Variants in PPP1R13L observed in about 807,000 individuals in gnomAD.
PPP1R13L encodes protein phosphatase 1 regulatory subunit 13 like.
A neutral mutation model predicts 80.9 loss-of-function variants in PPP1R13L; 50 were observed. The ratio of observed to expected loss-of-function variants is 0.62; its 90% confidence interval spans 0.49 to 0.78. The LOEUF (loss-of-function observed/expected upper bound fraction) is 0.78. PPP1R13L is among the 30% of genes least tolerant of loss of function. The pLI is 0.00. For missense variants in PPP1R13L, 1,200 were observed against 1,205.9 expected (o/e 1.00, Z 0.07); for synonymous variants, 602 against 534.3 (o/e 1.13, Z -1.75).
At chr19:45,387,218 T>C (rs1031926826) in intron 8 of PPP1R13L, among the ~76,000 whole-genome samples, 1 of 151,800 alleles carries the variant, frequency 6.6e-6, no homozygotes, top group Non-Finnish European at 1.5e-5. Context: ...CAGTGAGCCA[T>C]GATCATGCCA....
Position 45,396,936 on chromosome 19 carries a change from G to A in PPP1R13L, c.321C>T (p.His107=). The A allele has an allele frequency of 6.8e-7, 1 of 1,463,664 alleles. No individual in the cohort carries two copies. The highest frequency in any genetic ancestry group is 1.5e-5 in the African/African-American group (1 of 68,170). The allele number at this position is 1,463,664 out of a possible 1,614,324, so 90.7% of individuals were successfully genotyped here. A position where few individuals can be genotyped will look rare whatever the true frequency, so the allele number is the denominator to read the frequency against. The change falls in exon 4 of 13, where the codon CAC becomes CAT. Residue 107 remains histidine, a synonymous_variant. Transcript: ENST00000360957. The surrounding 1 kb of genome is among the most constrained non-coding windows in gnomAD (Gnocchi z 5.3). ...FGRSESAPTL[H]PYSPLSPKGR... ...CCTTGGGGGACAGCGGGCTGTAGGGGTGTAGGGTTGGGGCACTCTCTGATC... is the reference window on the plus strand; with the variant it reads ...CCTTGGGGGACAGCGGGCTGTAGGGATGTAGGGTTGGGGCACTCTCTGATC...
At chr19:45,385,796 C>G (rs892634170) in intron 10 of PPP1R13L, 28 bp downstream of exon 10, 58 of 1,609,300 alleles carry the variant, frequency 3.6e-5, no homozygotes, top group Non-Finnish European at 4.6e-5. Context: ...CACGGGGGAC[C>G]CAGCCCACCG....
At position 45,392,338 on chromosome 19, in the gene PPP1R13L, G is replaced by T. The variant is rs541579081; in HGVS notation, c.1357C>A (p.Pro453Thr). The T allele has an allele frequency of 2.5e-6, 4 of 1,613,116 alleles. No homozygotes were observed. The highest frequency in any genetic ancestry group is 2.7e-5 in the African/African-American group (2 of 75,000). Reference protein sequence around the residue: ...QQTWPPVNEGPPKPPTELEPE... With the variant: ...QQTWPPVNEGTPKPPTELEPE... Reference sequence around the variant, plus strand: ...TCCAGCTCGGTGGGGGGTTTGGGGGGTCCTAGCCGGAACAAGAGCCCATCA... The same window carrying T: ...TCCAGCTCGGTGGGGGGTTTGGGGGTTCCTAGCCGGAACAAGAGCCCATCA... Residue 453 changes from proline (P) to threonine (T), a missense_variant and splice_region_variant, in exon 8 of 13, where the codon CCC (proline) becomes ACC (threonine). Transcript: ENST00000360957.
Position 45,395,676 on chromosome 19 carries a change from G to C in PPP1R13L, c.1114C>G (p.Leu372Val). The C allele has an allele frequency of 6.8e-7, 1 of 1,462,758 alleles. No individual in the cohort carries two copies. Among genetic ancestry groups the C allele is most frequent in the Non-Finnish European group, 9.0e-7 (1 of 1,116,540 alleles). The allele number at this position is 1,462,758 out of a possible 1,614,324, so 90.6% of individuals were successfully genotyped here. Residue 372 changes from leucine (L) to valine (V), a missense_variant, in exon 7 of 13, where the codon CTC (leucine) becomes GTC (valine). Coordinates refer to ENST00000360957, the MANE Select transcript of PPP1R13L (RefSeq NM_006663.4). The part of the protein sequence containing the change: ...RGAPRQRPIP[L>V]SMIFKLQNAF... ...TTCTGCAGCTTGAAGATCATGCTGA[G>C]GGGGATGGGACGCTGGCGCGGGGCC... is the stretch of plus-strand genomic sequence containing the variant.
At chr19:45,387,420 G>A (rs886654396) in intron 8 of PPP1R13L, among the ~76,000 whole-genome samples, 2 of 152,226 alleles carry the variant, frequency 1.3e-5, no homozygotes, top group Non-Finnish European at 2.9e-5. Flanking sequence ...CAGATGCTCA[G>A]TTATTTCAAG....
rs181702778 is a variant in PPP1R13L at position 45,381,898 on chromosome 19, T to C, written c.2448+629A>G. Among the ~76,000 whole-genome samples the C allele has an allele frequency of 4.0e-5, 6 of 149,732 alleles. No homozygotes were observed. The Admixed American group carries it at 4.0e-4, about 10-fold the overall frequency. On this transcript the variant is annotated intron_variant, in intron 12 of 12. Transcript: ENST00000360957. Reference sequence around the variant, plus strand: ...GAGGTTGCAGTGAGCCCACATCTTATCACTGCACTCCAGTCTGGGTGACAA... The same window carrying C: ...GAGGTTGCAGTGAGCCCACATCTTACCACTGCACTCCAGTCTGGGTGACAA...
At chr19:45,395,224 C>T in intron 7 of PPP1R13L, 1 of 635,366 alleles carries the variant, frequency 1.6e-6, no homozygotes, top group Non-Finnish European at 2.8e-6. Context: ...AGCGTGGAAC[C>T]AGGCAGTCTG....
intron 8 of PPP1R13L, among the ~76,000 whole-genome samples, chr19:45,387,072 C>T (rs935094075): frequency 4.6e-5 from 7 of 151,696 alleles, no homozygotes; most frequent in Admixed American, 2.0e-4. Flanking sequence ...AGTTCGAGAA[C>T]AGCTTGGGCA....
At chr19:45,394,629 ATTTTT>A (rs56394453) in intron 7 of PPP1R13L, 4 of 124,672 alleles carry the variant, frequency 3.2e-5, no homozygotes, top group Admixed American at 7.9e-5. Flanking sequence ...TGCCCAGCTA[ATTTTT>A]TTTTTTTTTT....
In PPP1R13L at chr19:45,396,531, G is replaced by C. The variant is rs28479488; in HGVS notation, c.712+14C>G. 3,239 of 1,580,364 alleles carry C rather than the reference G, an allele frequency of 2.0e-3. 61 individuals carry two copies. In the African/African-American group the frequency reaches 0.039, roughly 19 times the overall value. ...CCGCGAGTCAAAGGCCCCGCGAGGG[G>C]CCCCTGGGTTCACCTTGCGCGCGCA... On this transcript the variant is annotated intron_variant, in intron 4 of 12. Coordinates refer to ENST00000360957, the MANE Select transcript of PPP1R13L (RefSeq NM_006663.4). This position sits in a 1 kb window ranked among gnomAD's most constrained non-coding sequence, Gnocchi z 5.3.
At position 45,395,471 on chromosome 19, in the gene PPP1R13L, TG is replaced by T. The variant is rs1555782094; in HGVS notation, c.1318del (p.Gln440SerfsTer10). On this transcript the variant is annotated frameshift_variant, in exon 7 of 13. Transcript: ENST00000360957. LOFTEE classifies it high-confidence loss of function. ...AGGGGGCCATGTCTGTTGGGGATGC[TG>T]GGGGGCTGGGGTAGGGGTTTGGGGT... ...TQPQTPTPAP[Q>X]HPQQTWPPVN... 4.6e-6 allele frequency: 1 copy of T among 215,148 alleles called. No homozygotes were observed. 13.3% of individuals were successfully genotyped at this position (215,148 alleles called of 1,614,324 possible).
intron 10 of PPP1R13L, 37 bp from the exon 11 acceptor site, chr19:45,385,765 G>A (rs1427553518): frequency 8.7e-6 from 14 of 1,608,246 alleles, no homozygotes; most frequent in South Asian, 2.2e-5. Context: ...GGAACGATGC[G>A]TGAGAGGCTG....
chr19:45,391,812 GGGGCTCTTTGCTACAGCTCCTGGATTC>G, intron 8 of PPP1R13L, 41 bp downstream of exon 8: 3 of 1,243,524 alleles, frequency 2.4e-6, no homozygotes, highest in Non-Finnish European at 3.2e-6. Context: ...CTATATTTGG[GGGGCTCTTTGCTACAGCTCCTGGATTC>G]ATGTAGCAAA....
At chr19:45,405,124 G>T, upstream of PPP1R13L, 1 of 879,660 alleles carries the variant, frequency 1.1e-6, no homozygotes, top group Non-Finnish European at 1.4e-6. Flanking sequence ...GGAGGGAGGC[G>T]GGTCCCGGTG....
At position 45,392,026 on chromosome 19, in the gene PPP1R13L, GC is replaced by G. The variant is rs1458132319; in HGVS notation, c.1668del (p.Pro557GlnfsTer80). ...TCTGGCTCCGGCCCCCCGGGCCCTG[GC>G]CCCCCATGACGATGGAAGAGGCGGC... is the stretch of plus-strand genomic sequence containing the variant. ...IISRLFHRHG[G>X]PGPGGPEPEL... On this transcript the variant is annotated frameshift_variant, in exon 8 of 13. Transcript: ENST00000360957. LOFTEE classifies it high-confidence loss of function. 9 of 1,542,600 alleles carry G rather than the reference GC, an allele frequency of 5.8e-6. No homozygotes were observed. Among genetic ancestry groups the G allele is most frequent in the Non-Finnish European group, 7.8e-6 (9 of 1,147,666 alleles).
upstream of PPP1R13L, among the ~76,000 whole-genome samples, chr19:45,405,856 G>A (rs1197442144): frequency 6.6e-6 from 1 of 152,204 alleles, no homozygotes; most frequent in African/African-American, 2.4e-5. Context: ...AGTGGGAAGG[G>A]AAGTGGGTGC....
At chr19:45,388,835 TCAAG>T (rs2123362788) in intron 8 of PPP1R13L, among the ~76,000 whole-genome samples, 1 of 152,044 alleles carries the variant, frequency 6.6e-6, no homozygotes, top group African/African-American at 2.4e-5. Context: ...TCTCCTAGGT[TCAAG>T]CAATTCTCCT....
At chr19:45,389,882 G>A (rs1200792743) in intron 8 of PPP1R13L, among the ~76,000 whole-genome samples, 1 of 151,786 alleles carries the variant, frequency 6.6e-6, no homozygotes, top group Non-Finnish European at 1.5e-5. Context: ...CACAAGCTCC[G>A]CCTCCCGGGC....
At chr19:45,384,487 G>A (rs1972829419) in intron 11 of PPP1R13L, among the ~76,000 whole-genome samples, 1 of 151,978 alleles carries the variant, frequency 6.6e-6, no homozygotes, top group Non-Finnish European at 1.5e-5. Flanking sequence ...GTGGGCTATG[G>A]TGCCATTGCA....
Sources: gnomAD v4.1 joint callset for allele counts (sites outside exome capture counted in the v4.1 genomes callset) on GRCh38, gnomAD v4.1.1 for gene constraint, Gnocchi (gnomAD v3.1) non-coding constraint, MANE v1.5 for transcripts, NCBI Gene and HGNC (gene_info 2026-07-23, HGNC 2026-07-21) for gene names.